Variants in SUMO2 observed in about 807,000 individuals in gnomAD.
SUMO2 encodes the protein small ubiquitin-related modifier 2.
In SUMO2, 1 loss-of-function variant was observed where a neutral mutation model predicts 16.0. That is an observed-to-expected ratio of 0.06 (90% confidence interval 0.02 to 0.30). The LOEUF (loss-of-function observed/expected upper bound fraction) is 0.30, where lower values mean the gene tolerates loss of function less well. Ranked by LOEUF, SUMO2 falls within the 10% of genes least tolerant of loss-of-function variation. The pLI is 1.00. For synonymous variants in SUMO2, 36 were observed against 40.6 expected (o/e 0.89, Z 0.43); for missense variants, 16 against 117.5 (o/e 0.14, Z 3.99).
chr17:75,182,647 A>C, intron 1 of SUMO2, 167 bp downstream of exon 1: 18 of 413,820 alleles, frequency 4.3e-5, no homozygotes, highest in African/African-American at 6.4e-5. Context: ...GGAGGGAGGA[A>C]GAGAGGGAGG....
chr17:75,170,440 C>T (rs144944859), intron 3 of SUMO2, among the ~76,000 whole-genome samples: 1 of 151,720 alleles, frequency 6.6e-6, no homozygotes, highest in African/African-American at 2.4e-5. Context: ...TGTGGTTGCG[C>T]ACGCCTGTAG....
Position 75,181,294 on chromosome 17 carries a change from A to G in SUMO2, c.22-106T>C, listed in dbSNP as rs917437788. The G allele has an allele frequency of 5.9e-6, 7 of 1,195,378 alleles. No individual in the cohort carries two copies. The African/African-American group carries it at 7.7e-5, about 13-fold the overall frequency. 74.0% of individuals were successfully genotyped at this position (1,195,378 alleles called of 1,614,324 possible). ...CTTCAAAAATCAACAGGTTTCTCAT[A>G]CTGTATGCTAAAACGGCATACTGCT... On this transcript the variant is annotated intron_variant, in intron 1 of 3. Coordinates refer to ENST00000420826, the MANE Select transcript of SUMO2 (RefSeq NM_006937.4).
chr17:75,172,191 T>C lies in SUMO2; in HGVS notation c.225+2561A>G, dbSNP rs149059706. On this transcript the variant is annotated intron_variant, in intron 3 of 3. Transcript: ENST00000420826. ...GTGAGCACCACCATGCCCGGCTAAT[T>C]TTTGTATTTTTAGTAGAGACGGGGT... is the stretch of plus-strand genomic sequence containing the variant. Among the ~76,000 whole-genome samples the C allele has an allele frequency of 7.2e-4, 110 of 151,820 alleles. 1 individual carries two copies. The East Asian group carries it at 0.019, about 27-fold the overall frequency.
chr17:75,179,527 C>CA lies in SUMO2; in HGVS notation c.153+1529dup, dbSNP rs35348154. Reference sequence around the variant, plus strand: ...TGGACAACAGAGCGAGACTCTGTCTCAAAAAAAAAAAAAAAAAAGGTATCT... The same window carrying CA: ...TGGACAACAGAGCGAGACTCTGTCTCAAAAAAAAAAAAAAAAAAAGGTATCT... On this transcript the variant is annotated intron_variant, in intron 2 of 3. Coordinates refer to ENST00000420826, the MANE Select transcript of SUMO2 (RefSeq NM_006937.4). Among the ~76,000 whole-genome samples, 918 of 96,848 alleles carry CA rather than the reference C, an allele frequency of 9.5e-3. 12 individuals are homozygous for CA. Among genetic ancestry groups the CA allele is most frequent in the African/African-American group, 0.02 (559 of 28,364 alleles). 63.5% of individuals were successfully genotyped at this position (96,848 alleles called of 152,430 possible).
In SUMO2 at chr17:75,170,320, C is replaced by A. The variant is rs531650903; in HGVS notation, c.226-1919G>T. 2.7e-3 allele frequency among the ~76,000 whole-genome samples: 407 copies of A among 152,026 alleles called. 1 individual carries two copies. Among genetic ancestry groups the A allele is most frequent in the African/African-American group, 9.2e-3 (382 of 41,486 alleles). Reference sequence around the variant, plus strand: ...GGCGCCGGGGCTCACGCCTATAATCCCAACACTTTGGGAGGCCAAGGTGGG... The same window carrying A: ...GGCGCCGGGGCTCACGCCTATAATCACAACACTTTGGGAGGCCAAGGTGGG... On this transcript the variant is annotated intron_variant, in intron 3 of 3. Coordinates refer to ENST00000420826, the MANE Select transcript of SUMO2 (RefSeq NM_006937.4).
chr17:75,171,320 G>C (rs944408251), intron 3 of SUMO2, among the ~76,000 whole-genome samples: 1 of 151,448 alleles, frequency 6.6e-6, no homozygotes, highest in African/African-American at 2.4e-5. Flanking sequence ...CGTCAATACA[G>C]AAAATAAAAT....
Position 75,182,934 on chromosome 17 carries a change from G to A in SUMO2, c.-100C>T, listed in dbSNP as rs2074842006. 6 of 1,085,698 alleles carry A rather than the reference G, an allele frequency of 5.5e-6. No homozygotes were observed. Among genetic ancestry groups the A allele is most frequent in the Non-Finnish European group, 7.2e-6 (6 of 836,842 alleles). 67.3% of individuals were successfully genotyped at this position (1,085,698 alleles called of 1,614,324 possible). The stretch of plus-strand genomic sequence containing the variant: ...AGCACCAGGAGCGGCAGAAGAAGGA[G>A]GCGGCAGCGGTGGACGAGGGGAGAG... On this transcript the variant is annotated 5_prime_UTR_variant, in exon 1 of 4. Coordinates refer to ENST00000420826, the MANE Select transcript of SUMO2 (RefSeq NM_006937.4).
At chr17:75,174,884 A>G in intron 2 of SUMO2, 61 bp from the exon 3 acceptor site, 2 of 1,419,506 alleles carry the variant, frequency 1.4e-6, no homozygotes. Flanking sequence ...ATTTACATAA[A>G]AGTACATGCA....
intron 2 of SUMO2, among the ~76,000 whole-genome samples, chr17:75,176,047 A>AT (rs909867572): frequency 2.9e-3 from 423 of 143,726 alleles, no homozygotes; most frequent in African/African-American, 9.1e-3. Flanking sequence ...AGGAAATGAA[A>AT]TTTTTTTTTT....
intron 2 of SUMO2, among the ~76,000 whole-genome samples, chr17:75,177,649 T>C (rs2074792878): frequency 6.6e-6 from 1 of 150,616 alleles, no homozygotes; most frequent in East Asian, 2.0e-4. Flanking sequence ...GCCATTGCAT[T>C]CAGCCTCAGT....
chr17:75,175,143 C>G (rs1177389894), intron 2 of SUMO2, among the ~76,000 whole-genome samples: 1 of 151,594 alleles, frequency 6.6e-6, no homozygotes, highest in Admixed American at 6.6e-5. Context: ...CCACAACAAC[C>G]GGCTAATTTT....
intron 1 of SUMO2, chr17:75,182,495 C>G (rs961178374): frequency 9.2e-6 from 2 of 217,164 alleles, no homozygotes; most frequent in African/African-American, 4.6e-5. Flanking sequence ...CCTCCTCACG[C>G]GCGCCGGCCG....
chr17:75,182,950 G>A lies in SUMO2; in HGVS notation c.-116C>T, dbSNP rs868371938. On this transcript the variant is annotated 5_prime_UTR_variant, in exon 1 of 4. Coordinates refer to ENST00000420826, the MANE Select transcript of SUMO2 (RefSeq NM_006937.4). ...GAAGAAGGAGGCGGCAGCGGTGGAC[G>A]AGGGGAGAGGGTGCGCGCACGTCGT... is the stretch of plus-strand genomic sequence containing the variant. 2.3e-6 allele frequency: 2 copies of A among 886,806 alleles called. No individual in the cohort carries two copies. The highest frequency in any genetic ancestry group is 3.0e-6 in the Non-Finnish European group (2 of 659,588). 54.9% of individuals were successfully genotyped at this position (886,806 alleles called of 1,614,324 possible).
At chr17:75,182,593 G>A (rs943874599) in intron 1 of SUMO2, 1 of 319,788 alleles carries the variant, frequency 3.1e-6, no homozygotes, top group East Asian at 5.4e-5. Context: ...CGCACTCGGA[G>A]GCCGCCGGGG....
At chr17:75,182,637 GGAGGGAGGAAGA>G (rs1286078150) in intron 1 of SUMO2, 165 bp downstream of exon 1, 5 of 408,946 alleles carry the variant, frequency 1.2e-5, no homozygotes, top group African/African-American at 1.1e-4. Flanking sequence ...CTTCGGCGCG[GGAGGGAGGAAGA>G]GAGGGAGGGA....
At chr17:75,180,361 G>C (rs1249303766) in intron 2 of SUMO2, among the ~76,000 whole-genome samples, 1 of 101,456 alleles carries the variant, frequency 9.9e-6, no homozygotes, top group Non-Finnish European at 1.9e-5. Context: ...ATAAGTTCTA[G>C]CTTAAAAGAA....
intron 3 of SUMO2, 76 bp from the exon 4 acceptor site, chr17:75,168,477 C>G: frequency 7.7e-7 from 1 of 1,294,692 alleles, no homozygotes; most frequent in Non-Finnish European, 1.1e-6. Context: ...TTTAAGTATG[C>G]TGAAAACATG....
intron 2 of SUMO2, among the ~76,000 whole-genome samples, chr17:75,177,744 GGA>G (rs1314722258): frequency 5.9e-5 from 9 of 151,916 alleles, no homozygotes; most frequent in Non-Finnish European, 8.8e-5. Context: ...CAGCACTTTG[GGA>G]GGCCGAGGTG....
intron 1 of SUMO2, chr17:75,182,606 G>A (rs538203894): frequency 2.1e-5 from 7 of 336,666 alleles, no homozygotes; most frequent in Non-Finnish European, 3.6e-5. Flanking sequence ...CGCCGGGGGC[G>A]GGAGAGAGCG....
Sources: allele counts gnomAD v4.1 joint callset (sites outside exome capture counted in the v4.1 genomes callset), GRCh38; gene constraint gnomAD v4.1.1; transcripts MANE v1.5; gene names NCBI Gene and HGNC (gene_info 2026-07-23, HGNC 2026-07-21).